Variants in AGBL1 observed in about 807,000 individuals in gnomAD.
The protein encoded by AGBL1 is cytosolic carboxypeptidase 4.
Under a neutral mutation model 118.9 loss-of-function variants are expected in AGBL1, and 130 were observed. That is an observed-to-expected ratio of 1.09 (90% CI 0.95 to 1.26). AGBL1 has a LOEUF of 1.26. Among genes scored for constraint, AGBL1 ranks in the 50% most tolerant of loss-of-function variants. The pLI, the probability that AGBL1 is intolerant of heterozygous loss-of-function variation, is 0.00. For missense variants in AGBL1, 1,584 were observed against 1,298.1 expected (o/e 1.22, Z -3.38); for synonymous variants, 555 against 478.9 (o/e 1.16, Z -2.08).
At chr15:86,654,811 T>C (rs1304840349) in intron 21 of AGBL1, among the ~76,000 whole-genome samples, 1 of 152,068 alleles carries the variant, frequency 6.6e-6, no homozygotes, top group Non-Finnish European at 1.5e-5. Flanking sequence ...GAAACAAAGA[T>C]TACATACAGC....
At chr15:86,325,298 G>A (rs1396240478) in intron 17 of AGBL1, among the ~76,000 whole-genome samples, 2 of 152,176 alleles carry the variant, frequency 1.3e-5, no homozygotes, top group African/African-American at 4.8e-5. Context: ...TAACATCCAC[G>A]GGGGATGAGT....
At chr15:86,540,587 A>C (rs1167926828) in intron 19 of AGBL1, among the ~76,000 whole-genome samples, 1 of 151,126 alleles carries the variant, frequency 6.6e-6, no homozygotes, top group Non-Finnish European at 1.5e-5. Context: ...ACTCTGTCTT[A>C]AAAAAAAATA....
At chr15:86,518,151 G>A (rs2083144809) in intron 18 of AGBL1, among the ~76,000 whole-genome samples, 1 of 152,006 alleles carries the variant, frequency 6.6e-6, no homozygotes, top group African/African-American at 2.4e-5. Flanking sequence ...CTTGTATTGG[G>A]ACGGCAGCCC....
chr15:86,186,469 T>G (rs2077635006), intron 5 of AGBL1, among the ~76,000 whole-genome samples: 1 of 152,202 alleles, frequency 6.6e-6, no homozygotes. Flanking sequence ...GAGAAATCAA[T>G]GTCAGTGTAA....
intron 22 of AGBL1, among the ~76,000 whole-genome samples, chr15:86,697,392 A>G (rs1199017900): frequency 6.6e-6 from 1 of 151,396 alleles, no homozygotes; most frequent in Non-Finnish European, 1.5e-5. Flanking sequence ...TATTGCTGAG[A>G]CTTTCCTGTA....
intron 17 of AGBL1, among the ~76,000 whole-genome samples, chr15:86,341,259 T>G (rs2080457580): frequency 6.6e-6 from 1 of 152,144 alleles, no homozygotes; most frequent in Non-Finnish European, 1.5e-5. Context: ...ATTTTCTGAC[T>G]TGCTAGGCTG....
chr15:86,262,864 G>T lies in AGBL1; in HGVS notation c.1056G>T (p.Val352=), dbSNP rs143754366. The change falls in exon 10 of 23, where the codon GTG becomes GTT. Residue 352 remains valine (V), a synonymous_variant. Coordinates refer to ENST00000614907, the MANE Select transcript of AGBL1 (RefSeq NM_001386094.1). ...RPEEELMQYE[V]MCLELSYSFE... Reference sequence around the variant, plus strand: ...AAGAGGAACTGATGCAATATGAGGTGATGTGTCTTGAGCTCTCCTATAGCT... The same window carrying T: ...AAGAGGAACTGATGCAATATGAGGTTATGTGTCTTGAGCTCTCCTATAGCT... 610 of 1,609,278 alleles carry T rather than the reference G, an allele frequency of 3.8e-4. 1 individual carries two copies. The highest frequency in any genetic ancestry group is 5.0e-4 in the Non-Finnish European group (591 of 1,177,830).
intron 18 of AGBL1, among the ~76,000 whole-genome samples, chr15:86,518,009 G>A (rs139152099): frequency 3.5e-4 from 53 of 152,286 alleles, no homozygotes; most frequent in African/African-American, 1.2e-3. Context: ...CAAACATGCT[G>A]CCTCTCTTTA....
At chr15:86,827,324 C>CATAT (rs1229896244) in intron 22 of AGBL1, among the ~76,000 whole-genome samples, 2 of 2,774 alleles carry the variant, frequency 7.2e-4, no homozygotes, top group African/African-American at 2.9e-3. Context: ...TATACACACA[C>CATAT]ATATATATAT....
At chr15:86,883,767 T>G (rs1026693128) in intron 22 of AGBL1, among the ~76,000 whole-genome samples, 8 of 152,210 alleles carry the variant, frequency 5.3e-5, no homozygotes, top group Non-Finnish European at 1.2e-4. Context: ...ATAAATAAAA[T>G]TTGTAGACTA....
chr15:86,760,807 T>G (rs530142865), intron 22 of AGBL1, among the ~76,000 whole-genome samples: 1 of 151,994 alleles, frequency 6.6e-6, no homozygotes, highest in Non-Finnish European at 1.5e-5. Context: ...CTTTGGGAAA[T>G]TAATTGTGTC....
At chr15:86,734,502 C>G (rs941245854) in intron 22 of AGBL1, among the ~76,000 whole-genome samples, 8 of 152,176 alleles carry the variant, frequency 5.3e-5, no homozygotes, top group African/African-American at 1.9e-4. Context: ...GAGGTGTGGG[C>G]TGTGCCTCAG....
intron 18 of AGBL1, among the ~76,000 whole-genome samples, chr15:86,400,104 C>T (rs953168471): frequency 1.3e-5 from 2 of 152,108 alleles, no homozygotes; most frequent in African/African-American, 2.4e-5. Context: ...ACATACGTAA[C>T]ACATGGTTTA....
chr15:86,795,224 G>A (rs1001712422), intron 22 of AGBL1, among the ~76,000 whole-genome samples: 1 of 152,132 alleles, frequency 6.6e-6, no homozygotes, highest in Non-Finnish European at 1.5e-5. Flanking sequence ...CTCTTGCTTG[G>A]ATCCCCTGCA....
chr15:86,359,182 G>T (rs546778689), intron 17 of AGBL1, among the ~76,000 whole-genome samples: 1 of 151,778 alleles, frequency 6.6e-6, no homozygotes, highest in African/African-American at 2.4e-5. Flanking sequence ...AAACTGTTTT[G>T]AGTTGATTTT....
At chr15:86,283,681 C>T in intron 16 of AGBL1, among the ~76,000 whole-genome samples, 1 of 152,154 alleles carries the variant, frequency 6.6e-6, no homozygotes, top group South Asian at 2.1e-4. Context: ...TAAATCAGCA[C>T]TGTCAAGTAA....
intron 5 of AGBL1, among the ~76,000 whole-genome samples, chr15:86,221,196 CA>C (rs955739895): frequency 1.9e-4 from 29 of 149,488 alleles, no homozygotes; most frequent in African/African-American, 4.4e-4. Flanking sequence ...AAAACTCCAT[CA>C]AAAAAAAATA....
chr15:86,746,983 T>C (rs2077766536), intron 22 of AGBL1, among the ~76,000 whole-genome samples: 1 of 152,034 alleles, frequency 6.6e-6, no homozygotes, highest in Non-Finnish European at 1.5e-5. Flanking sequence ...TGAAAAAATA[T>C]TCAGTAACTC....
chr15:86,259,452 A>T (rs1017231213), intron 9 of AGBL1, among the ~76,000 whole-genome samples: 3 of 152,076 alleles, frequency 2.0e-5, no homozygotes, highest in Non-Finnish European at 2.9e-5. Flanking sequence ...AACTCAAATT[A>T]AAAAAAATCA....
Sources: allele counts gnomAD v4.1 joint callset (sites outside exome capture counted in the v4.1 genomes callset), GRCh38; gene constraint gnomAD v4.1.1; transcripts MANE v1.5; gene names NCBI Gene and HGNC (gene_info 2026-07-23, HGNC 2026-07-21).